PTPRD: variants seen among roughly 807,000 people sequenced by gnomAD.
PTPRD encodes receptor-type tyrosine-protein phosphatase delta.
In PTPRD, 34 loss-of-function variants were observed where a neutral mutation model predicts 214.5. The ratio of observed to expected loss-of-function variants is 0.16; its 90% CI spans 0.12 to 0.21. PTPRD has a LOEUF of 0.21. PTPRD is among the 10% of genes least tolerant of loss of function. The pLI is 1.00. For synonymous variants in PTPRD, 1,128 were observed against 845.7 expected, an observed-to-expected ratio of 1.33 and a Z score of -5.79; for missense variants, 2,545 against 2,398.7, an observed-to-expected ratio of 1.06 and a Z score of -1.27.
At chr9:10,024,676 A>T (rs557122583) in intron 4 of PTPRD, among the ~76,000 whole-genome samples, 7 of 151,722 alleles carry the variant, frequency 4.6e-5, no homozygotes, top group East Asian at 3.9e-4. Flanking sequence ...CATGTGCACA[A>T]CGTGCAGGTT....
chr9:8,929,755 A>T (rs12003979), intron 11 of PTPRD, among the ~76,000 whole-genome samples: 1 of 58,080 alleles, frequency 1.7e-5, no homozygotes, highest in African/African-American at 6.6e-5. Flanking sequence ...GTATATATAT[A>T]TGTATATATA....
chr9:8,560,352 T>C (rs1380843817), intron 14 of PTPRD, among the ~76,000 whole-genome samples: 2 of 151,312 alleles, frequency 1.3e-5, no homozygotes, highest in African/African-American at 2.4e-5. Flanking sequence ...CAAGGCCAAA[T>C]GCAAAATGGG....
chr9:10,427,761 C>T (rs777632384), intron 2 of PTPRD, among the ~76,000 whole-genome samples: 26 of 152,018 alleles, frequency 1.7e-4, no homozygotes, highest in Admixed American at 9.9e-4. Context: ...AATCAACCCA[C>T]TGGGGTGGAA....
At chr9:10,429,364 T>G (rs905050025) in intron 2 of PTPRD, among the ~76,000 whole-genome samples, 1 of 151,880 alleles carries the variant, frequency 6.6e-6, no homozygotes, top group Non-Finnish European at 1.5e-5. Context: ...AATCAATACA[T>G]CTAAAAGAAA....
intron 8 of PTPRD, among the ~76,000 whole-genome samples, chr9:9,487,771 C>T (rs4237177): frequency 0.54 from 82,218 of 151,800 alleles, 22,559 homozygotes; most frequent in East Asian, 0.7. Flanking sequence ...AATATATACA[C>T]TTAGATTTCC....
intron 9 of PTPRD, among the ~76,000 whole-genome samples, chr9:9,322,826 C>A (rs16929154): frequency 0.017 from 2,598 of 152,154 alleles, 75 homozygotes; most frequent in African/African-American, 0.06. Context: ...GGCATGTAAG[C>A]ATGTAAGAGT....
intron 14 of PTPRD, among the ~76,000 whole-genome samples, chr9:8,552,469 G>A (rs578197752): frequency 1.3e-5 from 2 of 152,172 alleles, no homozygotes; most frequent in African/African-American, 4.8e-5. Flanking sequence ...TGCATGGAAA[G>A]AGGACAGAGG....
chr9:8,373,091 T>C (rs2082040012), intron 39 of PTPRD, among the ~76,000 whole-genome samples: 1 of 152,082 alleles, frequency 6.6e-6, no homozygotes, highest in Non-Finnish European at 1.5e-5. Context: ...TATCCCTTTG[T>C]AACATGGCTA....
At chr9:9,952,725 G>T (rs1196101804) in intron 4 of PTPRD, among the ~76,000 whole-genome samples, 1 of 152,044 alleles carries the variant, frequency 6.6e-6, no homozygotes, top group Non-Finnish European at 1.5e-5. Context: ...AAATTTAAAA[G>T]ATGGTTAGAA....
chr9:8,449,291 T>A (rs1301072866), intron 34 of PTPRD, among the ~76,000 whole-genome samples: 1 of 141,460 alleles, frequency 7.1e-6, no homozygotes. Flanking sequence ...CAGAGTACCA[T>A]AAACACAAAC....
intron 44 of PTPRD, among the ~76,000 whole-genome samples, chr9:8,320,978 G>A (rs10976946): frequency 0.45 from 68,213 of 151,878 alleles, 19,683 homozygotes; most frequent in African/African-American, 0.82. Flanking sequence ...TTACTGGAGG[G>A]TGTAGCTGAC....
At chr9:9,396,467 C>A (rs1173129006) in intron 9 of PTPRD, among the ~76,000 whole-genome samples, 2 of 151,992 alleles carry the variant, frequency 1.3e-5, no homozygotes, top group South Asian at 2.1e-4. Flanking sequence ...TACAATAAGG[C>A]TTTTAATATT....
chr9:9,101,906 A>C (rs2099791927), intron 10 of PTPRD, among the ~76,000 whole-genome samples: 1 of 152,158 alleles, frequency 6.6e-6, no homozygotes, highest in Non-Finnish European at 1.5e-5. Context: ...AAAATTGACT[A>C]TCCTGAGTTA....
intron 3 of PTPRD, among the ~76,000 whole-genome samples, chr9:10,060,809 T>A (rs887344626): frequency 9.5e-5 from 12 of 126,242 alleles, no homozygotes; most frequent in Non-Finnish European, 9.0e-5. Flanking sequence ...TCTTCCTTTC[T>A]TTCTTTCTTT....
chr9:10,475,412 T>A (rs988022876), intron 2 of PTPRD, among the ~76,000 whole-genome samples: 1 of 151,834 alleles, frequency 6.6e-6, no homozygotes, highest in African/African-American at 2.4e-5. Flanking sequence ...CCTGGACACA[T>A]AAACCCTCCC....
chr9:10,032,404 C>T (rs940091331), intron 4 of PTPRD, among the ~76,000 whole-genome samples: 1 of 152,128 alleles, frequency 6.6e-6, no homozygotes, highest in South Asian at 2.1e-4. Context: ...TGGAGATATT[C>T]TATGGGACAC....
intron 11 of PTPRD, among the ~76,000 whole-genome samples, chr9:8,755,996 T>C (rs192102167): frequency 1.3e-5 from 2 of 152,352 alleles, no homozygotes; most frequent in Admixed American, 6.5e-5. Context: ...AACATTAGTA[T>C]GTGTGTAGAA....
intron 7 of PTPRD, among the ~76,000 whole-genome samples, chr9:9,722,926 T>C (rs956506230): frequency 2.0e-5 from 3 of 152,094 alleles, no homozygotes; most frequent in Admixed American, 6.6e-5. Context: ...TCTTTATATA[T>C]TTTAGATGCT....
chr9:9,826,634 C>T (rs530950279), intron 5 of PTPRD, among the ~76,000 whole-genome samples: 1 of 152,034 alleles, frequency 6.6e-6, no homozygotes, highest in South Asian at 2.1e-4. Context: ...TACTTAGTGT[C>T]CTTAGTAGTG....
Sources: allele counts gnomAD v4.1 joint callset (sites outside exome capture counted in the v4.1 genomes callset), GRCh38; gene constraint gnomAD v4.1.1; transcripts MANE v1.5; gene names NCBI Gene and HGNC (gene_info 2026-07-23, HGNC 2026-07-21).